The following PDE11A variants were observed in gnomAD, a reference collection of about 807,000 sequenced individuals.
The protein encoded by PDE11A is dual 3',5'-cyclic-AMP and -GMP phosphodiesterase 11A.
Under a neutral mutation model 100.5 loss-of-function variants are expected in PDE11A, and 100 were observed. The ratio of observed to expected loss-of-function variants is 1.00; its 90% CI spans 0.85 to 1.18. PDE11A has a LOEUF of 1.18. PDE11A is among the 50% of genes most tolerant of loss of function. PDE11A has a pLI of 0.00. For synonymous variants in PDE11A, 381 were observed against 420.8 expected (o/e 0.91, Z 1.16); for missense variants, 1,141 against 1,152.6 (o/e 0.99, Z 0.15).
intron 18 of PDE11A, among the ~76,000 whole-genome samples, chr2:177,664,400 ATAC>A (rs2080537296): frequency 6.6e-6 from 1 of 152,212 alleles, no homozygotes; most frequent in African/African-American, 2.4e-5. Flanking sequence ...GAAACCATTT[ATAC>A]TAATTTTTCT....
Position 178,070,038 on chromosome 2 carries a change from T to C in PDE11A, c.912+1488A>G, listed in dbSNP as rs1000932309. Reference sequence around the variant, plus strand: ...GAAAGAAGAAAATGTGTGATTGTTTTATTTCTCTAGAAATAATAATTTGTG... The same window carrying C: ...GAAAGAAGAAAATGTGTGATTGTTTCATTTCTCTAGAAATAATAATTTGTG... On this transcript the variant is annotated intron_variant, in intron 1 of 19. Coordinates refer to ENST00000286063, the MANE Select transcript of PDE11A (RefSeq NM_016953.4). Among the ~76,000 whole-genome samples the C allele has an allele frequency of 5.3e-5, 8 of 152,368 alleles. No homozygotes were observed. The South Asian group carries it at 1.4e-3, about 28-fold the overall frequency.
intron 13 of PDE11A, among the ~76,000 whole-genome samples, chr2:177,704,373 A>C (rs988455800): frequency 6.6e-6 from 1 of 152,136 alleles, no homozygotes; most frequent in African/African-American, 2.4e-5. Flanking sequence ...CCATCTAAGC[A>C]AGAATACTTC....
intron 5 of PDE11A, among the ~76,000 whole-genome samples, chr2:177,845,567 G>A (rs1165052694): frequency 1.3e-5 from 2 of 149,786 alleles, no homozygotes; most frequent in African/African-American, 4.9e-5. Flanking sequence ...AGGCAGAGGG[G>A]CTCCTCACAT....
intron 2 of PDE11A, among the ~76,000 whole-genome samples, chr2:177,995,549 A>G (rs1302930974): frequency 1.3e-5 from 2 of 152,184 alleles, no homozygotes; most frequent in Non-Finnish European, 2.9e-5. Context: ...AGGAGGGAAG[A>G]TTAACTGTGA....
intron 2 of PDE11A, among the ~76,000 whole-genome samples, chr2:177,924,605 G>A (rs1468780126): frequency 1.3e-5 from 2 of 151,854 alleles, no homozygotes; most frequent in Non-Finnish European, 2.9e-5. Context: ...TCTAAAACAG[G>A]GCACAATCTC....
chr2:177,853,978 A>T (rs1028184716), intron 5 of PDE11A, among the ~76,000 whole-genome samples: 1 of 150,186 alleles, frequency 6.7e-6, no homozygotes, highest in African/African-American at 2.5e-5. Flanking sequence ...ACACACACAC[A>T]CAGCAAGAAA....
rs193253991 is a variant in PDE11A, at chr2:177,761,253, A to C, written c.1788+8070T>G. Among the ~76,000 whole-genome samples, 27 of 152,316 alleles carry C rather than the reference A, an allele frequency of 1.8e-4. No homozygotes were observed. In the East Asian group the frequency reaches 4.2e-3, roughly 24 times the overall value. ...GAATCCCTTTATTTTCATATAGTTT[A>C]GGGTGCACAGGACAACAACCAGGAA... is the stretch of plus-strand genomic sequence containing the variant. On this transcript the variant is annotated intron_variant, in intron 10 of 19. Coordinates refer to ENST00000286063, the MANE Select transcript of PDE11A (RefSeq NM_016953.4).
chr2:177,744,340 C>CTT (rs5836624), intron 10 of PDE11A, among the ~76,000 whole-genome samples: 220 of 146,634 alleles, frequency 1.5e-3, no homozygotes, highest in Middle Eastern at 6.9e-3. Flanking sequence ...TTGTTTCATG[C>CTT]TTTTTTTTTT....
At chr2:178,092,081 T>G (rs76789747) in intron 2 of PDE11A, among the ~76,000 whole-genome samples, 12,163 of 152,278 alleles carry the variant, frequency 0.08, 624 homozygotes, top group Middle Eastern at 0.12. Flanking sequence ...AAAAGTTGCT[T>G]TAAGTATTGT....
intron 9 of PDE11A, among the ~76,000 whole-genome samples, chr2:177,777,399 G>A (rs528676560): frequency 1.3e-4 from 20 of 152,264 alleles, no homozygotes; most frequent in African/African-American, 4.8e-4. Context: ...CAATCTTCAA[G>A]AGAATCGTTA....
intron 10 of PDE11A, among the ~76,000 whole-genome samples, chr2:177,756,350 A>G (rs763871451): frequency 3.3e-5 from 5 of 152,182 alleles, no homozygotes; most frequent in South Asian, 4.1e-4. Context: ...AAATTTCTTC[A>G]TGGTTTTAAA....
At chr2:177,833,948 C>T (rs182235005) in intron 6 of PDE11A, among the ~76,000 whole-genome samples, 35 of 152,330 alleles carry the variant, frequency 2.3e-4, no homozygotes, top group Admixed American at 2.1e-3. Context: ...TAGAGGCCCA[C>T]ATGCACTGGG....
In PDE11A at chr2:178,036,752, A is replaced by G. The variant is rs373535987; in HGVS notation, c.913-22292T>C. On this transcript the variant is annotated intron_variant, in intron 1 of 19. Transcript: ENST00000286063. ...AATCATCTGATTTTCAACAAACCTG[A>G]CAAAAACAAGCAGTGGAGAAAGGAT... 1.1e-3 allele frequency among the ~76,000 whole-genome samples: 163 copies of G among 152,318 alleles called. 1 individual carries two copies. The highest frequency in any genetic ancestry group is 3.6e-3 in the African/African-American group (151 of 41,586).
At chr2:177,969,078 C>G (rs2085735677) in intron 2 of PDE11A, among the ~76,000 whole-genome samples, 1 of 152,150 alleles carries the variant, frequency 6.6e-6, no homozygotes, top group African/African-American at 2.4e-5. Context: ...CCATGGAATA[C>G]TATGCAGCTA....
intron 2 of PDE11A, among the ~76,000 whole-genome samples, chr2:177,969,165 G>A (rs569063584): frequency 6.3e-4 from 96 of 152,226 alleles, no homozygotes; most frequent in African/African-American, 2.2e-3. Context: ...AACTAACACA[G>A]GAACAGAAAG....
chr2:177,765,560 C>T (rs1480783305), intron 10 of PDE11A, among the ~76,000 whole-genome samples: 2 of 152,232 alleles, frequency 1.3e-5, no homozygotes, highest in African/African-American at 2.4e-5. Context: ...AGGAAGGGGC[C>T]CTGCCACGGG....
intron 1 of PDE11A, among the ~76,000 whole-genome samples, chr2:178,020,602 G>T (rs1410942432): frequency 6.6e-6 from 1 of 152,114 alleles, no homozygotes; most frequent in Non-Finnish European, 1.5e-5. Flanking sequence ...GACCAGCCTG[G>T]TCAACATGGT....
At chr2:177,758,715 C>T (rs537059755) in intron 10 of PDE11A, among the ~76,000 whole-genome samples, 2 of 152,318 alleles carry the variant, frequency 1.3e-5, no homozygotes, top group East Asian at 1.9e-4. Context: ...ACCTCATCAA[C>T]AATCCCCAGA....
chr2:177,953,473 A>G (rs2085527717), intron 2 of PDE11A, among the ~76,000 whole-genome samples: 1 of 152,326 alleles, frequency 6.6e-6, no homozygotes, highest in Non-Finnish European at 1.5e-5. Context: ...TTTTAAGAAA[A>G]GTTAATATCA....
Sources: allele counts gnomAD v4.1 joint callset (sites outside exome capture counted in the v4.1 genomes callset), GRCh38; gene constraint gnomAD v4.1.1; transcripts MANE v1.5; gene names NCBI Gene and HGNC (gene_info 2026-07-23, HGNC 2026-07-21).